Variants in KIDINS220 observed in about 807,000 individuals in gnomAD.
The protein encoded by KIDINS220 is kinase D-interacting substrate of 220 kDa.
A neutral mutation model predicts 157.6 loss-of-function variants in KIDINS220; 63 were observed. The ratio of observed to expected loss-of-function variants is 0.40; its 90% CI spans 0.33 to 0.49. KIDINS220 has a LOEUF of 0.49. KIDINS220 is among the 20% of genes least tolerant of loss of function. The pLI, the probability that KIDINS220 is intolerant of heterozygous loss-of-function variation, is 0.66. For synonymous variants in KIDINS220, 732 were observed against 783.6 expected (o/e 0.93, Z 1.10); for missense variants, 1,772 against 2,171.2 (o/e 0.82, Z 3.65).
At chr2:8,740,752 CA>C (rs751948655) in intron 26 of KIDINS220, among the ~76,000 whole-genome samples, 3 of 152,192 alleles carry the variant, frequency 2.0e-5, no homozygotes, top group Non-Finnish European at 4.4e-5. Flanking sequence ...ACAAACCTTG[CA>C]AACTGTGATG....
chr2:8,835,134 C>A (rs528351554), intron 1 of KIDINS220, among the ~76,000 whole-genome samples: 1 of 152,220 alleles, frequency 6.6e-6, no homozygotes, highest in East Asian at 1.9e-4. Context: ...CAGGTGTGAG[C>A]CTGCATGCCC....
intron 10 of KIDINS220, among the ~76,000 whole-genome samples, chr2:8,797,414 T>G (rs1231863538): frequency 6.6e-6 from 1 of 152,038 alleles, no homozygotes; most frequent in Non-Finnish European, 1.5e-5. Context: ...TAGACAAAAA[T>G]CTGGTCAGAA....
intron 6 of KIDINS220, among the ~76,000 whole-genome samples, chr2:8,809,809 C>G (rs12476367): frequency 0.21 from 32,533 of 151,904 alleles, 4,323 homozygotes; most frequent in Middle Eastern, 0.32. Flanking sequence ...TCAATCAATC[C>G]CACCGTGTAC....
At chr2:8,786,172 C>T in intron 16 of KIDINS220, 34 bp downstream of exon 16, 1 of 1,613,042 alleles carries the variant, frequency 6.2e-7, no homozygotes, top group Non-Finnish European at 8.5e-7. Flanking sequence ...ACCCCCATCC[C>T]TTACACACAA....
rs185053047 is a variant in KIDINS220 at position 8,733,525 on chromosome 2, G to A, written c.3972C>T (p.Tyr1324=). ...GCTCTTCGAAGCTGAAGTTGAGTGT[G>A]TAGGGCGTCTGGCTGGAGAGCTCGG... is the stretch of plus-strand genomic sequence containing the variant. ...PHTELSSQTP[Y]TLNFSFEELN... Residue 1324 remains tyrosine, a synonymous_variant, in exon 29 of 30, where the codon TAC becomes TAT. Transcript: ENST00000256707. 2 of 1,614,174 alleles carry A rather than the reference G, an allele frequency of 1.2e-6. No homozygotes were observed. Among genetic ancestry groups the A allele is most frequent in the Admixed American group, 1.7e-5 (1 of 60,024 alleles).
At chr2:8,808,561 C>A (rs1217888305) in intron 6 of KIDINS220, among the ~76,000 whole-genome samples, 1 of 152,220 alleles carries the variant, frequency 6.6e-6, no homozygotes, top group Non-Finnish European at 1.5e-5. Context: ...CAAGACCTTC[C>A]CTCACCTTGC....
Position 8,731,354 on chromosome 2 carries a change from T to A in KIDINS220, c.4682A>T (p.Glu1561Val). ...RVPKSPEHSAEPIRTFIKAKE... is the reference protein window; with the variant it reads ...RVPKSPEHSAVPIRTFIKAKE... ...GGCTTTAATGAAGGTTCTGATCGGC[T>A]CAGCACTGTGTTCTGGAGACTTCGG... The change falls in exon 30 of 30, where the codon GAG (glutamate) becomes GTG (valine). Residue 1561 changes from glutamate to valine, a missense_variant. Transcript: ENST00000256707. This position sits in a 1 kb window ranked among gnomAD's most constrained non-coding sequence, Gnocchi z 5.2. The A allele has an allele frequency of 2.5e-6, 4 of 1,614,250 alleles. No homozygotes were observed. Among genetic ancestry groups the A allele is most frequent in the Non-Finnish European group, 3.4e-6 (4 of 1,180,042 alleles).
intron 22 of KIDINS220, among the ~76,000 whole-genome samples, chr2:8,761,682 G>T (rs957807757): frequency 3.9e-5 from 6 of 152,048 alleles, no homozygotes; most frequent in African/African-American, 1.4e-4. Flanking sequence ...TTTTTCTATG[G>T]AAGGGGAAAG....
At position 8,776,789 on chromosome 2, in the gene KIDINS220, G is replaced by A. The variant is rs202054411; in HGVS notation, c.2807C>T (p.Pro936Leu). ...VTEDWFSDISPQTMRRLLNIV... is the reference protein window; with the variant it reads ...VTEDWFSDISLQTMRRLLNIV... The stretch of plus-strand genomic sequence containing the variant: ...ATTAAGTAATCTTCTCATGGTCTGG[G>A]GACTGATGTCACTGAACCAGTCCTC... Residue 936 changes from proline (P) to leucine (L), a missense_variant, in exon 21 of 30, where the codon CCC becomes CTC. By Grantham distance (98) the Pro-to-Leu change is moderately conservative (BLOSUM62 -3). This residue lies in a region of KIDINS220 where 725 missense variants were observed against 1,017.1 expected (regional missense o/e 0.71). Transcript: ENST00000256707. The A allele has an allele frequency of 5.2e-5, 84 of 1,613,806 alleles. No individual in the cohort carries two copies. Among genetic ancestry groups the A allele is most frequent in the Admixed American group, 3.3e-4 (20 of 59,978 alleles).
intron 22 of KIDINS220, among the ~76,000 whole-genome samples, chr2:8,756,978 G>T (rs1263131699): frequency 1.3e-5 from 2 of 152,140 alleles, no homozygotes; most frequent in African/African-American, 2.4e-5. Context: ...CTAAAATGAT[G>T]ATCTCAATGT....
At chr2:8,778,754 A>G in intron 19 of KIDINS220, 27 bp from the exon 20 acceptor site, 1 of 1,599,742 alleles carries the variant, frequency 6.3e-7, no homozygotes, top group Non-Finnish European at 8.6e-7. Flanking sequence ...AGACAGCATC[A>G]CTTACACCAA....
At position 8,729,641 on chromosome 2, in the gene KIDINS220, A is replaced by G. The variant is rs943044260; in HGVS notation, c.*1079T>C. 3.6e-5 allele frequency: 35 copies of G among 983,204 alleles called. No individual in the cohort carries two copies. In the African/African-American group the frequency reaches 5.8e-4, roughly 16 times the overall value. 60.9% of individuals were successfully genotyped at this position (983,204 alleles called of 1,614,324 possible). A position where few individuals can be genotyped will look rare whatever the true frequency, so the allele number is the denominator to read the frequency against. ...TACATGTTTCCAAATTTTTTTTTAA[A>G]AAGTATTTCCTTTCTTATGATCCTT... On this transcript the variant is annotated 3_prime_UTR_variant, in exon 30 of 30. Coordinates refer to ENST00000256707, the MANE Select transcript of KIDINS220 (RefSeq NM_020738.4).
chr2:8,735,571 T>C (rs1411326347), intron 27 of KIDINS220, among the ~76,000 whole-genome samples: 1 of 152,204 alleles, frequency 6.6e-6, no homozygotes, highest in Non-Finnish European at 1.5e-5. Flanking sequence ...GTTATTACTT[T>C]TGGTTCCCTG....
intron 26 of KIDINS220, among the ~76,000 whole-genome samples, chr2:8,744,389 ATATATATATATAATAT>A (rs1206836371): frequency 3.6e-5 from 1 of 27,892 alleles, no homozygotes; most frequent in African/African-American, 1.7e-4. Flanking sequence ...AAAAAAAAAA[ATATATATATATAATAT>A]ATATATATAT....
chr2:8,770,891 A>C, intron 21 of KIDINS220, 59 bp from the exon 22 acceptor site: 1 of 1,003,472 alleles, frequency 1.0e-6, no homozygotes, highest in Non-Finnish European at 1.4e-6. Context: ...ATGTTAAGTA[A>C]AACATTTAGT....
chr2:8,810,773 G>T (rs575534641), intron 6 of KIDINS220, among the ~76,000 whole-genome samples: 1 of 151,436 alleles, frequency 6.6e-6, no homozygotes, highest in Admixed American at 6.6e-5. Flanking sequence ...GTGACAGAGC[G>T]AGACTCTGTC....
chr2:8,770,283 A>G (rs1412550984), intron 22 of KIDINS220, among the ~76,000 whole-genome samples: 2 of 152,090 alleles, frequency 1.3e-5, no homozygotes, highest in Non-Finnish European at 2.9e-5. Context: ...GTGCACGCCT[A>G]CAGTCCTAGC....
At chr2:8,797,099 T>A (rs1223250545) in intron 10 of KIDINS220, among the ~76,000 whole-genome samples, 1 of 152,142 alleles carries the variant, frequency 6.6e-6, no homozygotes, top group East Asian at 1.9e-4. Flanking sequence ...CCCCAGCTGC[T>A]CGTAAGCTAC....
At chr2:8,814,330 G>C (rs142850539) in intron 4 of KIDINS220, among the ~76,000 whole-genome samples, 141 of 152,254 alleles carry the variant, frequency 9.3e-4, no homozygotes, top group African/African-American at 3.2e-3. Context: ...GAGCCAGCCT[G>C]AAAGAGCTTC....
Sources: gnomAD v4.1 joint callset for allele counts (sites outside exome capture counted in the v4.1 genomes callset) on GRCh38, gnomAD v4.1.1 for gene constraint, gnomAD v4.1.1 regional missense constraint, Gnocchi (gnomAD v3.1) non-coding constraint, MANE v1.5 for transcripts, NCBI Gene and HGNC (gene_info 2026-07-23, HGNC 2026-07-21) for gene names.